KCND2: variants seen among roughly 807,000 people sequenced by gnomAD.
KCND2 encodes potassium voltage-gated channel subfamily D member 2.
A neutral mutation model predicts 54.4 loss-of-function variants in KCND2; 16 were observed. The observed-to-expected ratio is 0.29, with a 90% CI of 0.20 to 0.45. KCND2 has a LOEUF of 0.45. Ranked by LOEUF, KCND2 falls within the 20% of genes least tolerant of loss-of-function variation. The probability of loss-of-function intolerance (pLI) is 1.00; values close to 1 mark genes in which losing one functional copy is unlikely to be tolerated. For synonymous variants in KCND2, 317 were observed against 310.7 expected (o/e 1.02, Z -0.21); for missense variants, 486 against 824.2 (o/e 0.59, Z 5.02).
intron 1 of KCND2, among the ~76,000 whole-genome samples, chr7:120,670,485 G>A (rs897014749): frequency 2.6e-5 from 4 of 152,046 alleles, no homozygotes; most frequent in African/African-American, 9.7e-5. Flanking sequence ...GTTGCTAACT[G>A]GATCCCCATT....
intron 1 of KCND2, among the ~76,000 whole-genome samples, chr7:120,657,500 A>C (rs1791817032): frequency 6.6e-6 from 1 of 152,130 alleles, no homozygotes; most frequent in South Asian, 2.1e-4. Context: ...AAAAGATTGA[A>C]CTATTTGCGT....
At chr7:120,302,944 A>G (rs553534151) in intron 1 of KCND2, among the ~76,000 whole-genome samples, 6 of 152,334 alleles carry the variant, frequency 3.9e-5, no homozygotes, top group African/African-American at 7.2e-5. Context: ...GATCTCTACA[A>G]GGTCACACAA....
intron 1 of KCND2, among the ~76,000 whole-genome samples, chr7:120,514,734 T>C (rs1022718606): frequency 2.0e-5 from 3 of 152,014 alleles, no homozygotes; most frequent in Non-Finnish European, 4.4e-5. Flanking sequence ...CAGGATGAAA[T>C]TGTTCCACCT....
chr7:120,610,013 A>T (rs1429984445), intron 1 of KCND2, among the ~76,000 whole-genome samples: 1 of 152,182 alleles, frequency 6.6e-6, no homozygotes, highest in Admixed American at 6.6e-5. Flanking sequence ...GAAAGAGTAT[A>T]GTAATTATTC....
intron 1 of KCND2, among the ~76,000 whole-genome samples, chr7:120,575,183 A>C (rs1264321474): frequency 6.6e-6 from 1 of 152,188 alleles, no homozygotes; most frequent in Non-Finnish European, 1.5e-5. Context: ...GAGGTTCCAC[A>C]ATAGGCCGTC....
chr7:120,410,643 C>T (rs1162007753), intron 1 of KCND2, among the ~76,000 whole-genome samples: 1 of 151,476 alleles, frequency 6.6e-6, no homozygotes, highest in East Asian at 1.9e-4. Flanking sequence ...GTGTACTGCA[C>T]CCATTAACTC....
At chr7:120,644,653 TC>T (rs969376926) in intron 1 of KCND2, among the ~76,000 whole-genome samples, 1 of 152,218 alleles carries the variant, frequency 6.6e-6, no homozygotes, top group African/African-American at 2.4e-5. Flanking sequence ...GATATGCACA[TC>T]ACAAAACGTC....
chr7:120,742,608 G>GAGAC lies in KCND2; in HGVS notation c.1467+9_1467+12dup. 1 of 1,608,632 alleles carries GAGAC rather than the reference G, an allele frequency of 6.2e-7. No individual in the cohort carries two copies. Among genetic ancestry groups the GAGAC allele is most frequent in the South Asian group, 1.1e-5 (1 of 90,974 alleles). ...ACTGCCTGGAAAAAACCACGGTAAG[G>GAGAC]AGACAGCATGACTGCCTTCCCTTGC... is the stretch of plus-strand genomic sequence containing the variant. On this transcript the variant is annotated splice_region_variant and intron_variant, in intron 4 of 5. Coordinates refer to ENST00000331113, the MANE Select transcript of KCND2 (RefSeq NM_012281.3).
At chr7:120,718,354 C>T (rs1357736926) in intron 1 of KCND2, among the ~76,000 whole-genome samples, 2 of 152,076 alleles carry the variant, frequency 1.3e-5, no homozygotes, top group Non-Finnish European at 2.9e-5. Flanking sequence ...TCAAATGTGG[C>T]CCATCTCCTG....
chr7:120,466,999 C>T (rs1331518635), intron 1 of KCND2, among the ~76,000 whole-genome samples: 5 of 152,154 alleles, frequency 3.3e-5, no homozygotes, highest in African/African-American at 1.2e-4. Flanking sequence ...CTTTGAAAGA[C>T]ATTCGTGATT....
intron 1 of KCND2, among the ~76,000 whole-genome samples, chr7:120,340,553 G>A (rs1800225706): frequency 6.6e-6 from 1 of 152,162 alleles, no homozygotes; most frequent in African/African-American, 2.4e-5. Context: ...ATAATAACGT[G>A]GTTAGAAGAG....
At position 120,555,208 on chromosome 7, in the gene KCND2, A is replaced by G. The variant is rs144834426; in HGVS notation, c.1116-177695A>G. ...TCCTACTACACCTAGATTAATTTTTATAAACTAAACTCATAGAGGATTTGG... is the reference window on the plus strand; with the variant it reads ...TCCTACTACACCTAGATTAATTTTTGTAAACTAAACTCATAGAGGATTTGG... On this transcript the variant is annotated intron_variant, in intron 1 of 5. Coordinates refer to ENST00000331113, the MANE Select transcript of KCND2 (RefSeq NM_012281.3). Among the ~76,000 whole-genome samples, 219 of 152,284 alleles carry G rather than the reference A, an allele frequency of 1.4e-3. 1 individual carries two copies. In the East Asian group the frequency reaches 0.029, roughly 20 times the overall value.
rs549380488 is a variant in KCND2, at chr7:120,699,380, T to G, written c.1116-33523T>G. On this transcript the variant is annotated intron_variant, in intron 1 of 5. Transcript: ENST00000331113. The stretch of plus-strand genomic sequence containing the variant: ...CATTCATTCCTTTATTCCAAAGCAT[T>G]TCTTGAGCTTCTTATTTGTATGAGT... 3.3e-5 allele frequency among the ~76,000 whole-genome samples: 5 copies of G among 152,340 alleles called. No individual in the cohort carries two copies. In the East Asian group the frequency reaches 9.6e-4, roughly 29 times the overall value.
chr7:120,741,406 T>A, intron 2 of KCND2, 128 bp from the exon 3 acceptor site: 1 of 700,768 alleles, frequency 1.4e-6, no homozygotes. Flanking sequence ...TTTTCAATAG[T>A]TGCATTTGAA....
chr7:120,292,517 A>C (rs904055126), intron 1 of KCND2, among the ~76,000 whole-genome samples: 3 of 151,858 alleles, frequency 2.0e-5, no homozygotes, highest in Admixed American at 1.3e-4. Context: ...CCTTGGAGAA[A>C]ACTTTTCCCT....
At chr7:120,552,711 G>T (rs969468970) in intron 1 of KCND2, among the ~76,000 whole-genome samples, 2 of 151,996 alleles carry the variant, frequency 1.3e-5, no homozygotes. Context: ...CCTCTCACAC[G>T]AGGGTCACTC....
At chr7:120,658,610 C>T (rs1221693389) in intron 1 of KCND2, among the ~76,000 whole-genome samples, 1 of 152,152 alleles carries the variant, frequency 6.6e-6, no homozygotes, top group Non-Finnish European at 1.5e-5. Context: ...AAATCATTAT[C>T]CACATCAGCA....
intron 1 of KCND2, among the ~76,000 whole-genome samples, chr7:120,388,156 T>G (rs2116044441): frequency 6.6e-6 from 1 of 152,176 alleles, no homozygotes; most frequent in East Asian, 1.9e-4. Context: ...TCTGGTGATG[T>G]AGAAAATTTT....
chr7:120,728,569 C>T (rs1329216521), intron 1 of KCND2, among the ~76,000 whole-genome samples: 1 of 152,060 alleles, frequency 6.6e-6, no homozygotes, highest in Non-Finnish European at 1.5e-5. Context: ...GGATTACAGC[C>T]GTGAACCATT....
Sources: gnomAD v4.1 joint callset for allele counts (sites outside exome capture counted in the v4.1 genomes callset) on GRCh38, gnomAD v4.1.1 for gene constraint, MANE v1.5 for transcripts, NCBI Gene and HGNC (gene_info 2026-07-23, HGNC 2026-07-21) for gene names.